NOS1AP: variants seen among roughly 807,000 people sequenced by gnomAD.
The protein encoded by NOS1AP is nitric oxide synthase 1 adaptor protein.
A neutral mutation model predicts 56.2 loss-of-function variants in NOS1AP; 21 were observed. That is an observed-to-expected ratio of 0.37 (90% CI 0.26 to 0.54). The LOEUF (loss-of-function observed/expected upper bound fraction) is 0.54, where lower values mean the gene tolerates loss of function less well. Among genes scored for constraint, NOS1AP ranks in the 20% least tolerant of loss-of-function variants. The probability of loss-of-function intolerance (pLI) is 0.84; values close to 1 mark genes in which losing one functional copy is unlikely to be tolerated. For missense variants in NOS1AP, 522 were observed against 657.8 expected (o/e 0.79, Z 2.26); for synonymous variants, 270 against 274.6 (o/e 0.98, Z 0.17).
At chr1:162,366,898 A>C in intron 9 of NOS1AP, 154 bp from the exon 10 acceptor site, 1 of 808,156 alleles carries the variant, frequency 1.2e-6, no homozygotes, top group Non-Finnish European at 2.2e-6. Flanking sequence ...GGCGGGAGGA[A>C]GGGTGAAGTG....
At chr1:162,206,272 G>C (rs1034667928) in intron 2 of NOS1AP, among the ~76,000 whole-genome samples, 1 of 151,796 alleles carries the variant, frequency 6.6e-6, no homozygotes, top group South Asian at 2.1e-4. Context: ...AAAAAAAGTA[G>C]CAAAGTTTTT....
chr1:162,356,971 C>G lies in NOS1AP; in HGVS notation c.774C>G (p.Pro258=). Residue 258 remains proline, a synonymous_variant, in exon 8 of 10, where the codon CCC becomes CCG. Transcript: ENST00000361897. Reference sequence around the variant, plus strand: ...TCCTTCTCCTCCAGGTTTCGCACCCCCAGGAGCCCATGCTGACAGCCTCAC... The same window carrying G: ...TCCTTCTCCTCCAGGTTTCGCACCCGCAGGAGCCCATGCTGACAGCCTCAC... ...GSHTGSKVSH[P]QEPMLTASPR... is the part of the protein sequence containing the mutation. The G allele has an allele frequency of 6.2e-7, 1 of 1,614,164 alleles. No homozygotes were observed. Among genetic ancestry groups the G allele is most frequent in the Non-Finnish European group, 8.5e-7 (1 of 1,180,040 alleles).
intron 4 of NOS1AP, among the ~76,000 whole-genome samples, chr1:162,316,681 G>A (rs377376140): frequency 6.6e-6 from 1 of 152,194 alleles, no homozygotes; most frequent in Admixed American, 6.5e-5. Context: ...TTTTGGGATA[G>A]GCAGTGGAGT....
chr1:162,153,488 GC>G (rs1649803908), intron 1 of NOS1AP, among the ~76,000 whole-genome samples: 2 of 152,200 alleles, frequency 1.3e-5, no homozygotes, highest in Admixed American at 1.3e-4. Context: ...TACTTCTAGA[GC>G]TACTTGGATG....
chr1:162,305,668 C>G (rs1296850493), intron 4 of NOS1AP, among the ~76,000 whole-genome samples: 1 of 152,042 alleles, frequency 6.6e-6, no homozygotes, highest in Non-Finnish European at 1.5e-5. Flanking sequence ...TAGAATATCC[C>G]AGATATTCTG....
chr1:162,100,259 A>G (rs913408852), intron 1 of NOS1AP, among the ~76,000 whole-genome samples: 1 of 151,216 alleles, frequency 6.6e-6, no homozygotes, highest in African/African-American at 2.4e-5. Flanking sequence ...ACAGTGTAAA[A>G]GTGTTCCTAT....
intron 2 of NOS1AP, among the ~76,000 whole-genome samples, chr1:162,278,887 A>G (rs1445051575): frequency 6.6e-6 from 1 of 152,112 alleles, no homozygotes; most frequent in African/African-American, 2.4e-5. Context: ...TTAAATAAGT[A>G]CCTTTGCTTT....
chr1:162,297,569 A>G (rs1384586303), intron 3 of NOS1AP, among the ~76,000 whole-genome samples: 1 of 152,156 alleles, frequency 6.6e-6, no homozygotes, highest in African/African-American at 2.4e-5. Context: ...TCTTTGGTGT[A>G]TAGCAGTGGC....
At chr1:162,087,350 G>T (rs935431112) in intron 1 of NOS1AP, among the ~76,000 whole-genome samples, 3 of 152,130 alleles carry the variant, frequency 2.0e-5, no homozygotes, top group Non-Finnish European at 1.5e-5. Context: ...TGCATTGGAT[G>T]TGCCATGTGG....
chr1:162,203,017 G>A (rs1342108561), intron 2 of NOS1AP, among the ~76,000 whole-genome samples: 1 of 152,118 alleles, frequency 6.6e-6, no homozygotes, highest in African/African-American at 2.4e-5. Flanking sequence ...GTGTCGGCGG[G>A]AGGGGTGTGC....
At chr1:162,136,573 C>A (rs760508428) in intron 1 of NOS1AP, among the ~76,000 whole-genome samples, 16 of 152,134 alleles carry the variant, frequency 1.1e-4, no homozygotes, top group Admixed American at 6.5e-4. Flanking sequence ...TGGTATGATA[C>A]CCTGGGCTTA....
chr1:162,161,276 C>G (rs1052143818), intron 2 of NOS1AP, among the ~76,000 whole-genome samples: 11 of 152,152 alleles, frequency 7.2e-5, no homozygotes, highest in Non-Finnish European at 1.5e-5. Context: ...TCATGGACCT[C>G]TTTGGGGGGC....
intron 4 of NOS1AP, among the ~76,000 whole-genome samples, chr1:162,310,981 C>T (rs985620814): frequency 6.6e-6 from 1 of 152,130 alleles, no homozygotes; most frequent in African/African-American, 2.4e-5. Context: ...CCTGGATACC[C>T]TCTTTCTCCC....
chr1:162,280,877 G>A (rs1247105807), intron 2 of NOS1AP, among the ~76,000 whole-genome samples: 4 of 152,022 alleles, frequency 2.6e-5, no homozygotes, highest in Non-Finnish European at 4.4e-5. Flanking sequence ...TCAAACTTTG[G>A]TGTTGGTCAT....
At chr1:162,229,460 C>T (rs1653049408) in intron 2 of NOS1AP, among the ~76,000 whole-genome samples, 1 of 152,040 alleles carries the variant, frequency 6.6e-6, no homozygotes, top group African/African-American at 2.4e-5. Context: ...TAATTATTTG[C>T]TTATTTTATA....
intron 1 of NOS1AP, among the ~76,000 whole-genome samples, chr1:162,107,937 G>A (rs1275263676): frequency 6.6e-6 from 1 of 151,708 alleles, no homozygotes; most frequent in Non-Finnish European, 1.5e-5. Flanking sequence ...ATAGGAGGAA[G>A]GAAACATTGA....
At chr1:162,309,608 G>GGT (rs1400925170) in intron 4 of NOS1AP, among the ~76,000 whole-genome samples, 1 of 152,166 alleles carries the variant, frequency 6.6e-6, no homozygotes, top group African/African-American at 2.4e-5. Context: ...AGGAGAATGA[G>GGT]TAGTTCAGAG....
At chr1:162,279,816 A>C (rs1424185643) in intron 2 of NOS1AP, among the ~76,000 whole-genome samples, 2 of 152,216 alleles carry the variant, frequency 1.3e-5, no homozygotes, top group African/African-American at 4.8e-5. Flanking sequence ...GAGCTACTAA[A>C]AGACACAAGT....
chr1:162,136,140 G>T (rs1648992935), intron 1 of NOS1AP, among the ~76,000 whole-genome samples: 1 of 152,174 alleles, frequency 6.6e-6, no homozygotes, highest in Admixed American at 6.5e-5. Flanking sequence ...CTATGGTGTG[G>T]AGTAGTCAGG....
Sources: gnomAD v4.1 joint callset for allele counts (sites outside exome capture counted in the v4.1 genomes callset) on GRCh38, gnomAD v4.1.1 for gene constraint, MANE v1.5 for transcripts, NCBI Gene and HGNC (gene_info 2026-07-23, HGNC 2026-07-21) for gene names.